C1GALT1: variants seen among roughly 807,000 people sequenced by gnomAD.
C1GALT1 encodes core 1 synthase, glycoprotein-N-acetylgalactosamine 3-beta-galactosyltransferase 1.
Under a neutral mutation model 31.0 loss-of-function variants are expected in C1GALT1, and 11 were observed. That is an observed-to-expected ratio of 0.36 (90% confidence interval 0.22 to 0.59). The LOEUF is 0.59. C1GALT1 is among the 20% of genes least tolerant of loss of function. The pLI, the probability that C1GALT1 is intolerant of heterozygous loss-of-function variation, is 0.79. For missense variants in C1GALT1, 424 were observed against 425.2 expected (o/e 1.00, Z 0.03); for synonymous variants, 175 against 143.6 (o/e 1.22, Z -1.56).
At chr7:7,158,377 T>C (rs948086265) in intron 2 of C1GALT1, among the ~76,000 whole-genome samples, 1 of 152,060 alleles carries the variant, frequency 6.6e-6, no homozygotes, top group Non-Finnish European at 1.5e-5. Context: ...AAAGGAAAAA[T>C]AAGTCTCCAA....
chr7:7,232,255 G>C (rs1302777472), intron 1 of C1GALT1, among the ~76,000 whole-genome samples: 7 of 152,238 alleles, frequency 4.6e-5, no homozygotes, highest in Admixed American at 6.5e-5. Context: ...GATTGCACTT[G>C]GTTGTACTAA....
At chr7:7,179,731 C>T (rs577930372), upstream of C1GALT1, among the ~76,000 whole-genome samples, 102 of 152,112 alleles carry the variant, frequency 6.7e-4, no homozygotes, top group African/African-American at 2.4e-3. Flanking sequence ...GGTAAGTTGG[C>T]CCTCCAAAGC....
At chr7:7,211,233 G>T (rs905813333) in intron 1 of C1GALT1, among the ~76,000 whole-genome samples, 3 of 152,092 alleles carry the variant, frequency 2.0e-5, no homozygotes, top group Non-Finnish European at 2.9e-5. Context: ...ACAAGAGAAG[G>T]CTTAAAAAAG....
At chr7:7,230,622 C>CTT (rs57276821) in intron 1 of C1GALT1, among the ~76,000 whole-genome samples, 107 of 121,518 alleles carry the variant, frequency 8.8e-4, no homozygotes, top group African/African-American at 2.9e-3. Flanking sequence ...TCTATATTCC[C>CTT]TTTTTTTTTT....
At chr7:7,180,910 CAA>C (rs34390245), upstream of C1GALT1, among the ~76,000 whole-genome samples, 3 of 127,738 alleles carry the variant, frequency 2.3e-5, no homozygotes. Context: ...CATATCTCTT[CAA>C]AAAAAAAAAA....
intron 2 of C1GALT1, among the ~76,000 whole-genome samples, chr7:7,177,127 G>GA (rs1190147290): frequency 3.3e-5 from 5 of 152,188 alleles, no homozygotes; most frequent in Admixed American, 6.5e-5. Flanking sequence ...CTGAAAGCAA[G>GA]AAAAAACCAT....
At chr7:7,233,571 C>G (rs1332672208) in intron 1 of C1GALT1, among the ~76,000 whole-genome samples, 1 of 152,192 alleles carries the variant, frequency 6.6e-6, no homozygotes, top group Non-Finnish European at 1.5e-5. Context: ...CTGTGCCTAG[C>G]CAGCAAACTT....
At chr7:7,236,811 A>G (rs566151937) in intron 2 of C1GALT1, among the ~76,000 whole-genome samples, 2 of 152,310 alleles carry the variant, frequency 1.3e-5, no homozygotes, top group African/African-American at 4.8e-5. Flanking sequence ...GGCCTGAGCC[A>G]CTGTGCCCAG....
At chr7:7,183,675 C>T in intron 1 of C1GALT1, 1 of 821,412 alleles carries the variant, frequency 1.2e-6, no homozygotes, top group Non-Finnish European at 1.5e-6. Flanking sequence ...TCTCCCCACC[C>T]CCCACCACCC....
chr7:7,228,411 T>C (rs1782898918), intron 1 of C1GALT1, among the ~76,000 whole-genome samples: 1 of 152,214 alleles, frequency 6.6e-6, no homozygotes, highest in Non-Finnish European at 1.5e-5. Flanking sequence ...TTGGAAGCAC[T>C]TGGCATAAAG....
At chr7:7,177,266 A>C (rs1270627178) in intron 2 of C1GALT1, among the ~76,000 whole-genome samples, 2 of 152,154 alleles carry the variant, frequency 1.3e-5, no homozygotes, top group Non-Finnish European at 2.9e-5. Flanking sequence ...TGCCACAAAA[A>C]TGTGCATTGT....
intron 1 of C1GALT1, among the ~76,000 whole-genome samples, chr7:7,230,487 G>A (rs1235505382): frequency 6.6e-6 from 1 of 151,572 alleles, no homozygotes; most frequent in Non-Finnish European, 1.5e-5. Context: ...TATTTTTCTC[G>A]AGTCTGGCTG....
Sources: allele counts gnomAD v4.1 joint callset (sites outside exome capture counted in the v4.1 genomes callset), GRCh38; gene constraint gnomAD v4.1.1; transcripts MANE v1.5; gene names NCBI Gene and HGNC (gene_info 2026-07-23, HGNC 2026-07-21).